Variants in SCN11A observed in about 807,000 individuals in gnomAD.
The protein encoded by SCN11A is sodium channel protein type 11 subunit alpha.
Under a neutral mutation model 162.2 loss-of-function variants are expected in SCN11A, and 122 were observed. The observed-to-expected ratio is 0.75, with a 90% CI of 0.65 to 0.87. The LOEUF is 0.87. Among genes scored for constraint, SCN11A ranks in the 40% least tolerant of loss-of-function variants. The pLI is 0.00. For synonymous variants in SCN11A, 758 were observed against 751.5 expected (o/e 1.01, Z -0.14); for missense variants, 2,015 against 2,181.6 (o/e 0.92, Z 1.52).
intron 2 of SCN11A, among the ~76,000 whole-genome samples, chr3:38,999,511 C>A (rs2030744558): frequency 6.6e-6 from 1 of 152,096 alleles, no homozygotes; most frequent in African/African-American, 2.4e-5. Context: ...ATGTCATCAT[C>A]TTTGTTAATT....
intron 9 of SCN11A, among the ~76,000 whole-genome samples, chr3:38,924,882 C>T (rs756645624): frequency 5.3e-5 from 8 of 152,014 alleles, no homozygotes; most frequent in Non-Finnish European, 1.0e-4. Context: ...CTCATCCTTG[C>T]TACTCCTCAA....
chr3:38,994,388 G>A (rs540086425), intron 2 of SCN11A, among the ~76,000 whole-genome samples: 2 of 152,310 alleles, frequency 1.3e-5, no homozygotes, highest in South Asian at 2.1e-4. Context: ...GAAATGTTCA[G>A]AACATGTTTA....
At chr3:39,011,260 G>A (rs906071561) in intron 2 of SCN11A, among the ~76,000 whole-genome samples, 1 of 152,210 alleles carries the variant, frequency 6.6e-6, no homozygotes, top group African/African-American at 2.4e-5. Context: ...ACACTGGTTT[G>A]GCCTAAAAAG....
intron 2 of SCN11A, among the ~76,000 whole-genome samples, chr3:38,964,462 G>A (rs1438347627): frequency 6.6e-6 from 1 of 152,204 alleles, no homozygotes; most frequent in Non-Finnish European, 1.5e-5. Flanking sequence ...GAAAGAACAG[G>A]TGTGCTGAGA....
intron 3 of SCN11A, among the ~76,000 whole-genome samples, chr3:38,954,490 C>G (rs1328885039): frequency 6.6e-6 from 1 of 152,162 alleles, no homozygotes; most frequent in African/African-American, 2.4e-5. Context: ...CAACTGGACA[C>G]TTTCACCCTG....
At chr3:39,014,551 T>C (rs947517286) in intron 2 of SCN11A, among the ~76,000 whole-genome samples, 2 of 152,226 alleles carry the variant, frequency 1.3e-5, no homozygotes, top group Admixed American at 6.5e-5. Flanking sequence ...ATGTCTGCCA[T>C]AATTGAGTCT....
intron 7 of SCN11A, among the ~76,000 whole-genome samples, chr3:38,928,500 C>A (rs920182557): frequency 6.6e-6 from 1 of 152,118 alleles, no homozygotes; most frequent in Non-Finnish European, 1.5e-5. Flanking sequence ...AACAAACCTT[C>A]ATGTTCTGCA....
rs2066730595 is a variant in SCN11A, at chr3:38,960,443, G to C, written c.-279-20C>G. Among the ~76,000 whole-genome samples, 1 of 152,178 alleles carries C rather than the reference G, an allele frequency of 6.6e-6. No homozygotes were observed. Among genetic ancestry groups the C allele is most frequent in the Non-Finnish European group, 1.5e-5 (1 of 68,024 alleles). Reference sequence around the variant, plus strand: ...TGGAGGCTGGGTGGAGAGTGTGGAGGAAGGCAAATGGGAAGAAAGCCAAAG... The same window carrying C: ...TGGAGGCTGGGTGGAGAGTGTGGAGCAAGGCAAATGGGAAGAAAGCCAAAG... On this transcript the variant is annotated intron_variant, in intron 2 of 29. Transcript: ENST00000302328.
intron 2 of SCN11A, among the ~76,000 whole-genome samples, chr3:39,022,859 A>T (rs186657485): frequency 6.6e-6 from 1 of 152,174 alleles, no homozygotes; most frequent in Admixed American, 6.5e-5. Context: ...AGCCTGGGTG[A>T]CAGAGCAAGA....
At chr3:38,979,896 C>A (rs578143840) in intron 2 of SCN11A, among the ~76,000 whole-genome samples, 126 of 152,202 alleles carry the variant, frequency 8.3e-4, no homozygotes, top group Non-Finnish European at 1.5e-3. Flanking sequence ...GCTTCCCCAG[C>A]AAAAATTTAA....
intron 2 of SCN11A, among the ~76,000 whole-genome samples, chr3:39,018,512 G>A (rs1314388165): frequency 6.6e-6 from 1 of 152,098 alleles, no homozygotes; most frequent in East Asian, 1.9e-4. Context: ...TTGATGTTGA[G>A]TGTCTTTAAA....
Position 38,874,470 on chromosome 3 carries a change from C to T in SCN11A, c.3394-2176G>A, listed in dbSNP as rs140993415. Among the ~76,000 whole-genome samples, 810 of 152,130 alleles carry T rather than the reference C, an allele frequency of 5.3e-3. 3 individuals carry two copies. The highest frequency in any genetic ancestry group is 0.018 in the African/African-American group (751 of 41,524). On this transcript the variant is annotated intron_variant, in intron 23 of 29. Coordinates refer to ENST00000302328, the MANE Select transcript of SCN11A (RefSeq NM_001349253.2). The stretch of plus-strand genomic sequence containing the variant: ...AAAATTAGCTGGGCATGGTGGTGGG[C>T]GCCTGTAGTCCCAGCTACTTAGGAG...
chr3:39,024,022 T>C (rs2031520594), intron 2 of SCN11A, among the ~76,000 whole-genome samples: 1 of 152,202 alleles, frequency 6.6e-6, no homozygotes, highest in South Asian at 2.1e-4. Flanking sequence ...GTAGTGACTA[T>C]GTATATAAAC....
chr3:38,982,289 C>T (rs2030085205), intron 2 of SCN11A, among the ~76,000 whole-genome samples: 1 of 152,216 alleles, frequency 6.6e-6, no homozygotes, highest in Admixed American at 6.5e-5. Context: ...ATCTGGACCA[C>T]TACAGGATGC....
Position 38,857,727 on chromosome 3 carries a change from T to A in SCN11A, c.4056+5468A>T, listed in dbSNP as rs146232135. On this transcript the variant is annotated intron_variant, in intron 28 of 29. Coordinates refer to ENST00000302328, the MANE Select transcript of SCN11A (RefSeq NM_001349253.2). ...TCTAAAGTCAAGATGAAGGAAAGAA[T>A]CTTAAGAGCTGTGAGACAAAAGAAT... Among the ~76,000 whole-genome samples, 796 of 152,190 alleles carry A rather than the reference T, an allele frequency of 5.2e-3. 5 individuals are homozygous for A. Among genetic ancestry groups the A allele is most frequent in the African/African-American group, 0.018 (761 of 41,540 alleles).
At chr3:38,891,091 A>T (rs1441692839) in intron 19 of SCN11A, among the ~76,000 whole-genome samples, 1 of 151,448 alleles carries the variant, frequency 6.6e-6, no homozygotes, top group Non-Finnish European at 1.5e-5. Context: ...GTCAGAGCTA[A>T]TAGAAAAAGA....
At chr3:38,905,525 A>G (rs2065779774) in intron 14 of SCN11A, among the ~76,000 whole-genome samples, 1 of 152,242 alleles carries the variant, frequency 6.6e-6, no homozygotes, top group Non-Finnish European at 1.5e-5. Context: ...TTGATCATTC[A>G]TATTTCCTAT....
At chr3:38,970,796 G>A (rs1485730244) in intron 2 of SCN11A, among the ~76,000 whole-genome samples, 3 of 152,222 alleles carry the variant, frequency 2.0e-5, no homozygotes, top group Non-Finnish European at 2.9e-5. Flanking sequence ...TGGGCCGTGA[G>A]CACACCCTGA....
At chr3:39,021,871 C>A (rs2031460150) in intron 2 of SCN11A, among the ~76,000 whole-genome samples, 1 of 152,112 alleles carries the variant, frequency 6.6e-6, no homozygotes, top group Non-Finnish European at 1.5e-5. Flanking sequence ...GCCAAGGAGT[C>A]CCCAGCATAA....
Sources: gnomAD v4.1 joint callset for allele counts (sites outside exome capture counted in the v4.1 genomes callset) on GRCh38, gnomAD v4.1.1 for gene constraint, MANE v1.5 for transcripts, NCBI Gene and HGNC (gene_info 2026-07-23, HGNC 2026-07-21) for gene names.